The following CHRM3 variants were observed in gnomAD, a reference collection of about 807,000 sequenced individuals.
CHRM3 encodes the protein muscarinic acetylcholine receptor M3.
A neutral mutation model predicts 41.8 loss-of-function variants in CHRM3; 11 were observed. The observed-to-expected ratio is 0.26, with a 90% CI of 0.17 to 0.44. CHRM3 has a LOEUF of 0.44. Among genes scored for constraint, CHRM3 ranks in the 20% least tolerant of loss-of-function variants. The pLI, the probability that CHRM3 is intolerant of heterozygous loss-of-function variation, is 1.00. For missense variants in CHRM3, 571 were observed against 745.4 expected (o/e 0.77, Z 2.72); for synonymous variants, 297 against 301.4 (o/e 0.99, Z 0.15).
intron 5 of CHRM3, among the ~76,000 whole-genome samples, chr1:239,764,721 T>C (rs1667063858): frequency 6.6e-6 from 1 of 152,222 alleles, no homozygotes; most frequent in Admixed American, 6.5e-5. Flanking sequence ...TAAATTCAGC[T>C]ACATTAACTC....
At chr1:239,627,749 C>G (rs1020653236) in intron 3 of CHRM3, among the ~76,000 whole-genome samples, 1 of 139,988 alleles carries the variant, frequency 7.1e-6, no homozygotes, top group African/African-American at 2.7e-5. Flanking sequence ...TTTTATTTCT[C>G]CTTCACTTAT....
At chr1:239,832,417 A>G (rs766420877) in intron 6 of CHRM3, among the ~76,000 whole-genome samples, 4 of 152,138 alleles carry the variant, frequency 2.6e-5, no homozygotes, top group Non-Finnish European at 4.4e-5. Flanking sequence ...CTTCATTCTT[A>G]GAAAGGGAAG....
At chr1:239,529,552 C>A (rs1670221424) in intron 2 of CHRM3, among the ~76,000 whole-genome samples, 1 of 139,920 alleles carries the variant, frequency 7.1e-6, no homozygotes, top group Non-Finnish European at 1.5e-5. Flanking sequence ...GCGGAGGTTG[C>A]AGTGAGCCAA....
chr1:239,469,231 G>A (rs138607156), intron 1 of CHRM3, among the ~76,000 whole-genome samples: 521 of 152,236 alleles, frequency 3.4e-3, no homozygotes, highest in African/African-American at 0.012. Flanking sequence ...ACAGTGCTTC[G>A]CACTTTCCTG....
intron 3 of CHRM3, among the ~76,000 whole-genome samples, chr1:239,616,647 C>T (rs77053649): frequency 0.01 from 1,563 of 152,208 alleles, 16 homozygotes; most frequent in Non-Finnish European, 0.016. Context: ...CTGAGAACAG[C>T]TGTACAACAG....
chr1:239,604,279 T>G (rs2148707360), intron 3 of CHRM3, among the ~76,000 whole-genome samples: 1 of 141,228 alleles, frequency 7.1e-6, no homozygotes, highest in South Asian at 2.4e-4. Context: ...TCTTAGCACA[T>G]CTGGGAAACT....
intron 6 of CHRM3, among the ~76,000 whole-genome samples, chr1:239,834,190 T>G (rs542438417): frequency 3.8e-3 from 316 of 83,172 alleles, no homozygotes; most frequent in Middle Eastern, 0.024. Context: ...ACACACACAC[T>G]GGGGAGGACA....
chr1:239,426,181 A>T (rs1662368599), intron 1 of CHRM3, among the ~76,000 whole-genome samples: 1 of 118,324 alleles, frequency 8.5e-6, no homozygotes, highest in Non-Finnish European at 1.7e-5. Context: ...AGGCCCGGTA[A>T]GTCAGGAAAC....
At chr1:239,539,220 T>C (rs1194390859) in intron 2 of CHRM3, among the ~76,000 whole-genome samples, 1 of 152,192 alleles carries the variant, frequency 6.6e-6, no homozygotes, top group African/African-American at 2.4e-5. Context: ...TGTTAAAAGA[T>C]GCTTTGATTA....
intron 1 of CHRM3, among the ~76,000 whole-genome samples, chr1:239,468,077 AG>A (rs1665861410): frequency 6.6e-6 from 1 of 152,190 alleles, no homozygotes; most frequent in Admixed American, 6.5e-5. Flanking sequence ...GTAATGGAAT[AG>A]GCTTTGATTT....
intron 5 of CHRM3, among the ~76,000 whole-genome samples, chr1:239,798,570 G>C (rs1669975716): frequency 6.6e-6 from 1 of 152,150 alleles, no homozygotes; most frequent in Non-Finnish European, 1.5e-5. Flanking sequence ...TGACCTTGCA[G>C]ATATGCAAGG....
chr1:239,634,448 GAA>G (rs1670243487), intron 4 of CHRM3, among the ~76,000 whole-genome samples: 1 of 148,290 alleles, frequency 6.7e-6, no homozygotes, highest in Non-Finnish European at 1.5e-5. Context: ...GAACAGAAAA[GAA>G]AAAGAGAAAA....
At chr1:239,614,468 G>A (rs921264409) in intron 3 of CHRM3, among the ~76,000 whole-genome samples, 2 of 152,098 alleles carry the variant, frequency 1.3e-5, no homozygotes, top group African/African-American at 4.8e-5. Flanking sequence ...ACAACCCAAA[G>A]ATCCAAATGG....
chr1:239,837,028 G>A (rs781581489), intron 6 of CHRM3, among the ~76,000 whole-genome samples: 1 of 151,646 alleles, frequency 6.6e-6, no homozygotes, highest in Non-Finnish European at 1.5e-5. Context: ...GGACTCTTTG[G>A]ACCATACAGT....
rs1283437365 is a variant in CHRM3 at position 239,650,024 on chromosome 1, C to T, written c.-250+17738C>T. On this transcript the variant is annotated intron_variant, in intron 4 of 6. Coordinates refer to ENST00000676153, the MANE Select transcript of CHRM3 (RefSeq NM_001375978.1). ...TTACTGAGCTCAGGGTCTTTGATCTCAGACAGCCCTCGGTGTCCTGGTCCT... is the reference window on the plus strand; with the variant it reads ...TTACTGAGCTCAGGGTCTTTGATCTTAGACAGCCCTCGGTGTCCTGGTCCT... Among the ~76,000 whole-genome samples the T allele has an allele frequency of 2.6e-5, 4 of 152,210 alleles. No individual in the cohort carries two copies. In the South Asian group the frequency reaches 6.2e-4, roughly 24 times the overall value.
chr1:239,779,962 G>A (rs1653069460), intron 5 of CHRM3, among the ~76,000 whole-genome samples: 1 of 152,120 alleles, frequency 6.6e-6, no homozygotes, highest in Admixed American at 6.5e-5. Context: ...TTCATGTCTT[G>A]ATAGTGTCTG....
At chr1:239,538,038 T>C (rs1345945610) in intron 2 of CHRM3, among the ~76,000 whole-genome samples, 9 of 152,154 alleles carry the variant, frequency 5.9e-5, no homozygotes, top group Non-Finnish European at 1.5e-5. Context: ...ATTATGATAT[T>C]GCTCCAGCTG....
At chr1:239,548,282 A>T (rs935404949) in intron 3 of CHRM3, among the ~76,000 whole-genome samples, 1 of 152,158 alleles carries the variant, frequency 6.6e-6, no homozygotes, top group Non-Finnish European at 1.5e-5. Context: ...TTTTATGTCC[A>T]TCTCTCTAGT....
chr1:239,830,725 T>C (rs1394406981), intron 6 of CHRM3, among the ~76,000 whole-genome samples: 1 of 152,086 alleles, frequency 6.6e-6, no homozygotes, highest in African/African-American at 2.4e-5. Flanking sequence ...CCAAAGTTGC[T>C]TACAAGAAAA....
Sources: allele counts gnomAD v4.1 joint callset (sites outside exome capture counted in the v4.1 genomes callset), GRCh38; gene constraint gnomAD v4.1.1; transcripts MANE v1.5; gene names NCBI Gene and HGNC (gene_info 2026-07-23, HGNC 2026-07-21).